Variants in GLT1D1 observed in about 807,000 individuals in gnomAD.
GLT1D1 encodes glycosyltransferase 1 domain containing 1.
In GLT1D1, 21 loss-of-function variants were observed where a neutral mutation model predicts 28.7. The observed-to-expected ratio is 0.73, with a 90% CI of 0.52 to 1.05. The LOEUF is 1.05. GLT1D1 is among the 50% of genes least tolerant of loss of function. The pLI is 0.00. For missense variants in GLT1D1, 343 were observed against 330.6 expected (o/e 1.04, Z -0.29); for synonymous variants, 147 against 124.8 (o/e 1.18, Z -1.19).
At chr12:128,928,020 A>C (rs1474609038) in intron 4 of GLT1D1, among the ~76,000 whole-genome samples, 2 of 150,428 alleles carry the variant, frequency 1.3e-5, no homozygotes, top group African/African-American at 2.4e-5. Flanking sequence ...AAAAAAAAAA[A>C]AAAAACAAAA....
At chr12:128,975,144 C>T (rs995754377) in intron 7 of GLT1D1, among the ~76,000 whole-genome samples, 5 of 152,190 alleles carry the variant, frequency 3.3e-5, no homozygotes, top group African/African-American at 9.7e-5. Context: ...CACGCTCAGG[C>T]ATTGTCCCGG....
intron 7 of GLT1D1, 86 bp downstream of exon 11, chr12:128,957,729 G>A (rs1877448263): frequency 5.5e-6 from 5 of 909,488 alleles, no homozygotes; most frequent in East Asian, 5.4e-5. Context: ...TTCTGTTAGC[G>A]CTTAGTATTC....
At chr12:128,925,737 C>A (rs1873137224) in intron 4 of GLT1D1, among the ~76,000 whole-genome samples, 1 of 152,132 alleles carries the variant, frequency 6.6e-6, no homozygotes, top group African/African-American at 2.4e-5. Flanking sequence ...GCATCTAAAT[C>A]TTTTCTAGAA....
chr12:128,961,485 A>G (rs1187102830), intron 7 of GLT1D1, among the ~76,000 whole-genome samples: 1 of 152,234 alleles, frequency 6.6e-6, no homozygotes, highest in African/African-American at 2.4e-5. Flanking sequence ...TCAGCCATAA[A>G]AAAGAAGGAG....
intron 6 of GLT1D1, among the ~76,000 whole-genome samples, chr12:128,957,217 T>C (rs1488053877): frequency 1.3e-5 from 2 of 152,238 alleles, no homozygotes. Context: ...TAATTAAAAA[T>C]GCATGCTCCA....
chr12:128,957,108 T>G (rs1318850817), intron 6 of GLT1D1, among the ~76,000 whole-genome samples: 2 of 152,204 alleles, frequency 1.3e-5, no homozygotes, highest in Non-Finnish European at 2.9e-5. Context: ...TTCCTTTTAC[T>G]TTTGTCTGCA....
At chr12:128,972,757 G>A (rs779371520) in intron 7 of GLT1D1, among the ~76,000 whole-genome samples, 5 of 152,120 alleles carry the variant, frequency 3.3e-5, no homozygotes, top group Admixed American at 6.5e-5. Context: ...TGCAGCTGAG[G>A]TTCATACTCT....
Position 128,926,467 on chromosome 12 carries a change from G to A in GLT1D1, c.376-18859G>A, listed in dbSNP as rs1183013575. On this transcript the variant is annotated intron_variant, in intron 4 of 7. Coordinates refer to ENST00000281703, the MANE Select transcript of GLT1D1 (RefSeq NM_144669.3). ...GACGCATTTTCAGGTGTGTTTGCTG[G>A]CTACCTTCCTCCACTGTTTATAGAA... 1.5e-6 allele frequency: 2 copies of A among 1,374,662 alleles called. No homozygotes were observed. The highest frequency in any genetic ancestry group is 4.0e-5 in the Admixed American group (2 of 50,386). 85.2% of individuals were successfully genotyped at this position (1,374,662 alleles called of 1,614,324 possible).
At chr12:128,864,469 TGAGGG>T (rs1956466499) in intron 1 of GLT1D1, among the ~76,000 whole-genome samples, 1 of 152,018 alleles carries the variant, frequency 6.6e-6, no homozygotes, top group African/African-American at 2.4e-5. Context: ...AAAGGGGCAG[TGAGGG>T]TTGGCACCTG....
chr12:128,857,156 A>G (rs961649088), intron 1 of GLT1D1, among the ~76,000 whole-genome samples: 1 of 152,112 alleles, frequency 6.6e-6, no homozygotes, highest in Non-Finnish European at 1.5e-5. Context: ...TTTTGTCCCA[A>G]CTCAGAGGTG....
At chr12:128,877,136 C>T (rs1956887252) in intron 2 of GLT1D1, among the ~76,000 whole-genome samples, 1 of 152,152 alleles carries the variant, frequency 6.6e-6, no homozygotes, top group African/African-American at 2.4e-5. Flanking sequence ...TTAACACTCA[C>T]AAGACCCATC....
chr12:128,926,258 G>A (rs1187582866), intron 4 of GLT1D1, 101 bp from the exon 7 acceptor site: 9 of 406,052 alleles, frequency 2.2e-5, no homozygotes, highest in East Asian at 3.9e-5. Context: ...AGCTGGCCTC[G>A]AAGTCAGAGG....
At chr12:128,934,778 C>T (rs879875404) in intron 4 of GLT1D1, among the ~76,000 whole-genome samples, 7 of 152,326 alleles carry the variant, frequency 4.6e-5, no homozygotes, top group East Asian at 1.9e-4. Context: ...CAGGATGTCG[C>T]GTCAAGAAGC....
intron 1 of GLT1D1, among the ~76,000 whole-genome samples, chr12:128,863,980 C>T (rs1057461426): frequency 9.8e-4 from 142 of 144,544 alleles, no homozygotes; most frequent in African/African-American, 3.5e-3. Flanking sequence ...GTGTATAGAT[C>T]TGAATACTAT....
chr12:128,865,515 A>G (rs920736956), intron 1 of GLT1D1, among the ~76,000 whole-genome samples: 1 of 152,136 alleles, frequency 6.6e-6, no homozygotes, highest in Admixed American at 6.5e-5. Flanking sequence ...AATGTTAAAA[A>G]ATATATAGAA....
At chr12:128,928,199 C>T (rs1873482487) in intron 4 of GLT1D1, among the ~76,000 whole-genome samples, 1 of 152,018 alleles carries the variant, frequency 6.6e-6, no homozygotes, top group Non-Finnish European at 1.5e-5. Flanking sequence ...CGGTTCCTTC[C>T]ACCCAGCATC....
At chr12:128,891,631 T>C (rs981694044) in intron 3 of GLT1D1, among the ~76,000 whole-genome samples, 4 of 152,160 alleles carry the variant, frequency 2.6e-5, no homozygotes, top group African/African-American at 9.7e-5. Flanking sequence ...CCCTATTCCA[T>C]ACAGGGGACA....
chr12:128,932,964 C>T (rs528783477), intron 4 of GLT1D1, among the ~76,000 whole-genome samples: 1 of 152,168 alleles, frequency 6.6e-6, no homozygotes, highest in Non-Finnish European at 1.5e-5. Flanking sequence ...AATTACAAGC[C>T]CCTTCCAACA....
intron 4 of GLT1D1, among the ~76,000 whole-genome samples, chr12:128,929,742 C>T (rs1291536915): frequency 1.3e-5 from 2 of 152,158 alleles, no homozygotes; most frequent in South Asian, 2.1e-4. Context: ...GGGGCGATCA[C>T]CTGAGGTCAG....
Sources: gnomAD v4.1 joint callset for allele counts (sites outside exome capture counted in the v4.1 genomes callset) on GRCh38, gnomAD v4.1.1 for gene constraint, MANE v1.5 for transcripts, NCBI Gene and HGNC (gene_info 2026-07-23, HGNC 2026-07-21) for gene names.